CREB5: variants seen among roughly 807,000 people sequenced by gnomAD.
The protein encoded by CREB5 is cAMP responsive element binding protein 5.
CREB5 carries 19 observed loss-of-function variants against 57.1 expected under a neutral mutation model. That is an observed-to-expected ratio of 0.33 (90% confidence interval 0.23 to 0.49). The LOEUF is 0.49. Among genes scored for constraint, CREB5 ranks in the 20% least tolerant of loss-of-function variants. The pLI is 0.99. For synonymous variants in CREB5, 238 were observed against 238.3 expected, an observed-to-expected ratio of 1.00 and a Z score of 0.01; for missense variants, 579 against 671.6, an observed-to-expected ratio of 0.86 and a Z score of 1.52.
At chr7:28,565,264 G>C (rs1795432571) in intron 4 of CREB5, among the ~76,000 whole-genome samples, 1 of 152,224 alleles carries the variant, frequency 6.6e-6, no homozygotes, top group Non-Finnish European at 1.5e-5. Flanking sequence ...TGGTGACGTA[G>C]CTGACAAATG....
At chr7:28,390,588 GCTT>G (rs1222777457) in intron 1 of CREB5, among the ~76,000 whole-genome samples, 39 of 152,258 alleles carry the variant, frequency 2.6e-4, no homozygotes, top group African/African-American at 9.1e-4. Flanking sequence ...TTGGCAAAGT[GCTT>G]CTTCTTCCTC....
intron 7 of CREB5, among the ~76,000 whole-genome samples, chr7:28,766,874 A>G (rs1806027795): frequency 6.6e-6 from 1 of 152,212 alleles, no homozygotes; most frequent in South Asian, 2.1e-4. Flanking sequence ...GAGAGGTTCT[A>G]TGTACAAGAT....
At chr7:28,346,835 C>CAGTGAATCTACCGCA (rs138391533) in intron 1 of CREB5, among the ~76,000 whole-genome samples, 2 of 151,948 alleles carry the variant, frequency 1.3e-5, no homozygotes, top group African/African-American at 4.8e-5. Context: ...ACATCCACCA[C>CAGTGAATCTACCGCA]AGCTACAACT....
chr7:28,561,007 T>TGCGTGCGCGTGC (rs765237919), intron 4 of CREB5, among the ~76,000 whole-genome samples: 4 of 44,100 alleles, frequency 9.1e-5, no homozygotes, highest in Admixed American at 2.3e-4. Flanking sequence ...TGCGTGTGCG[T>TGCGTGCGCGTGC]GTGTGTGTGC....
chr7:28,569,344 G>T (rs774471730), intron 4 of CREB5, among the ~76,000 whole-genome samples: 1 of 151,952 alleles, frequency 6.6e-6, no homozygotes, highest in South Asian at 2.1e-4. Flanking sequence ...TCTTTATTGG[G>T]TTCTAAATTT....
chr7:28,635,747 C>T (rs1219326862), intron 5 of CREB5, among the ~76,000 whole-genome samples: 1 of 152,150 alleles, frequency 6.6e-6, no homozygotes, highest in Non-Finnish European at 1.5e-5. Context: ...CTTTGTTGAC[C>T]TTTTCATTCA....
chr7:28,615,728 T>C (rs1178206885), intron 5 of CREB5: 1 of 152,342 alleles, frequency 6.6e-6, no homozygotes, highest in Non-Finnish European at 1.5e-5. Context: ...AGGGCCTTGA[T>C]CTTCATTCCT....
chr7:28,306,944 G>C (rs1785204143), intron 1 of CREB5, among the ~76,000 whole-genome samples: 1 of 152,212 alleles, frequency 6.6e-6, no homozygotes, highest in Non-Finnish European at 1.5e-5. Context: ...GAATCTAATA[G>C]ATGACAACAT....
chr7:28,385,312 A>G (rs1787065702), intron 1 of CREB5, among the ~76,000 whole-genome samples: 1 of 151,944 alleles, frequency 6.6e-6, no homozygotes, highest in South Asian at 2.1e-4. Flanking sequence ...CTAGTTAACC[A>G]AGTATCTACA....
intron 3 of CREB5, among the ~76,000 whole-genome samples, chr7:28,500,452 C>T (rs1024100209): frequency 7.9e-5 from 12 of 152,304 alleles, no homozygotes; most frequent in Non-Finnish European, 1.6e-4. Flanking sequence ...TTCCTTTATT[C>T]ATCAGATTCT....
At chr7:28,741,213 G>T (rs1804316980) in intron 7 of CREB5, among the ~76,000 whole-genome samples, 2 of 152,142 alleles carry the variant, frequency 1.3e-5, no homozygotes, top group African/African-American at 4.8e-5. Context: ...TTAAAAGTCA[G>T]TCATTCAGAA....
At chr7:28,480,956 A>C (rs891904133) in intron 1 of CREB5, among the ~76,000 whole-genome samples, 1 of 152,240 alleles carries the variant, frequency 6.6e-6, no homozygotes, top group Non-Finnish European at 1.5e-5. Context: ...TCCTATCTAA[A>C]GAAACATATG....
chr7:28,505,517 G>A (rs146585854), intron 3 of CREB5, among the ~76,000 whole-genome samples: 58 of 152,270 alleles, frequency 3.8e-4, no homozygotes, highest in South Asian at 3.7e-3. Context: ...GAAGTCCAGA[G>A]AATGTAGGTA....
chr7:28,672,955 C>A (rs1583519006), intron 5 of CREB5, among the ~76,000 whole-genome samples: 2 of 152,220 alleles, frequency 1.3e-5, no homozygotes, highest in Admixed American at 1.3e-4. Context: ...TGGCATTTGG[C>A]CTCTTAGATT....
rs549689440 is a variant in CREB5, at chr7:28,554,981, G to C, written c.292-15384G>C. On this transcript the variant is annotated intron_variant, in intron 4 of 10. Transcript: ENST00000357727. ...TCATGTCACAAAAATTAAGATAAAA[G>C]ACCATAAGCACCCCATTCTGGCTCA... is the stretch of plus-strand genomic sequence containing the variant. 3.9e-5 allele frequency among the ~76,000 whole-genome samples: 6 copies of C among 152,250 alleles called. No individual in the cohort carries two copies. The East Asian group carries it at 1.2e-3, about 29-fold the overall frequency.
At chr7:28,818,749 A>G (rs772507004) in intron 10 of CREB5, 11 of 464,880 alleles carry the variant, frequency 2.4e-5, no homozygotes, top group South Asian at 1.5e-4. Context: ...TTATTTTCAA[A>G]TAATTTTTTA....
upstream of CREB5, among the ~76,000 whole-genome samples, chr7:28,411,134 TG>T (rs1236075097): frequency 1.3e-5 from 2 of 152,174 alleles, no homozygotes; most frequent in Non-Finnish European, 2.9e-5. Flanking sequence ...AGGGCGAAAA[TG>T]CTTAGTCCTG....
intron 7 of CREB5, among the ~76,000 whole-genome samples, chr7:28,776,303 A>G (rs1027524088): frequency 3.4e-4 from 50 of 147,218 alleles, no homozygotes; most frequent in Admixed American, 3.0e-3. Context: ...GCGCCACTGC[A>G]CTCCCGCCTG....
At chr7:28,404,806 C>A (rs1359515502) in intron 1 of CREB5, among the ~76,000 whole-genome samples, 1 of 152,162 alleles carries the variant, frequency 6.6e-6, no homozygotes, top group Non-Finnish European at 1.5e-5. Flanking sequence ...GGCTTGTTCT[C>A]AACTTTCCTG....
Sources: allele counts gnomAD v4.1 joint callset (sites outside exome capture counted in the v4.1 genomes callset), GRCh38; gene constraint gnomAD v4.1.1; transcripts MANE v1.5; gene names NCBI Gene and HGNC (gene_info 2026-07-23, HGNC 2026-07-21).